The following MRPL43 variants were observed in gnomAD, a reference collection of about 807,000 sequenced individuals.
MRPL43 encodes large ribosomal subunit protein mL43.
MRPL43 carries 9 observed loss-of-function variants against 12.7 expected under a neutral mutation model. The observed-to-expected ratio is 0.71, with a 90% confidence interval of 0.43 to 1.24. The LOEUF is 1.24. Among genes scored for constraint, MRPL43 ranks in the 50% most tolerant of loss-of-function variants. The pLI is 0.00. For missense variants in MRPL43, 211 were observed against 229.2 expected (o/e 0.92, Z 0.51); for synonymous variants, 116 against 96.4 (o/e 1.20, Z -1.19).
downstream of MRPL43, chr10:100,981,051 C>T: frequency 6.3e-7 from 1 of 1,596,392 alleles, no homozygotes; most frequent in Non-Finnish European, 8.5e-7. Flanking sequence ...AGGAGGAAGG[C>T]CTGATAGCTA....
chr10:100,986,022 T>C (rs1393598207), downstream of MRPL43, among the ~76,000 whole-genome samples: 1 of 152,062 alleles, frequency 6.6e-6, no homozygotes, highest in Non-Finnish European at 1.5e-5. Flanking sequence ...TCAAGGGACA[T>C]GGATTTTATT....
chr10:100,977,926 T>C (rs986151922), downstream of MRPL43: 3 of 593,970 alleles, frequency 5.1e-6, no homozygotes, highest in African/African-American at 1.9e-5. Context: ...GCAGTTTTTA[T>C]AGCATTTTCA....
At chr10:100,980,203 C>T (rs979985262), downstream of MRPL43, 2 of 1,614,126 alleles carry the variant, frequency 1.2e-6, no homozygotes, top group Middle Eastern at 1.6e-4. Context: ...TGTAAAGTTG[C>T]ACCCACTGAT....
At chr10:100,979,945 C>G (rs199762950), downstream of MRPL43, 1 of 1,613,908 alleles carries the variant, frequency 6.2e-7, no homozygotes, top group Non-Finnish European at 8.5e-7. Flanking sequence ...TGGTTCCCGG[C>G]GCTGGGGTCG....
chr10:100,981,163 C>T (rs1427067106), downstream of MRPL43: 46 of 1,614,054 alleles, frequency 2.8e-5, no homozygotes, highest in Non-Finnish European at 3.8e-5. Context: ...GATCTTCTGT[C>T]CCAGGACAGC....
At chr10:100,983,749 A>G (rs1327673019), downstream of MRPL43, 2 of 1,612,730 alleles carry the variant, frequency 1.2e-6, no homozygotes, top group Admixed American at 1.7e-5. Context: ...CGACGGAAAT[A>G]CTCACTGGGT....
In MRPL43 at chr10:100,986,366, C is replaced by T. The variant is rs758962991; in HGVS notation, c.*368G>A. On this transcript the variant is annotated 3_prime_UTR_variant, in exon 3 of 3. Transcript: ENST00000318364. ...CCCATCACAGCAGAGCTCTCCGTAGCTCAGTGGTTGTTCCAATAAGACATC... is the reference window on the plus strand; with the variant it reads ...CCCATCACAGCAGAGCTCTCCGTAGTTCAGTGGTTGTTCCAATAAGACATC... 425 of 1,455,766 alleles carry T rather than the reference C, an allele frequency of 2.9e-4. No homozygotes were observed. The highest frequency in any genetic ancestry group is 3.6e-4 in the Non-Finnish European group (399 of 1,109,144). 90.2% of individuals were successfully genotyped at this position (1,455,766 alleles called of 1,614,324 possible). A position where few individuals can be genotyped will look rare whatever the true frequency, so the allele number is the denominator to read the frequency against.
downstream of MRPL43, chr10:100,985,417 C>T (rs1193217573): frequency 6.5e-6 from 1 of 153,078 alleles, no homozygotes; most frequent in African/African-American, 2.4e-5. Context: ...AACGTGGAAT[C>T]CCACGGGTTT....
downstream of MRPL43, chr10:100,985,026 T>C (rs541757083): frequency 3.9e-5 from 40 of 1,032,002 alleles, no homozygotes; most frequent in African/African-American, 5.7e-4. Flanking sequence ...CTGTTGGGTT[T>C]AGTCCGTGGA....
chr10:100,980,988 AGGGAAGCAGGT>A (rs1205193917), downstream of MRPL43: 6 of 1,597,074 alleles, frequency 3.8e-6, no homozygotes, highest in Non-Finnish European at 5.1e-6. Flanking sequence ...AACAGGTCCC[AGGGAAGCAGGT>A]GGGAAGTGGT....
At chr10:100,985,020 T>C, downstream of MRPL43, 2 of 1,102,502 alleles carry the variant, frequency 1.8e-6, no homozygotes, top group Non-Finnish European at 2.5e-6. Flanking sequence ...ACCTGTCTGT[T>C]GGGTTTAGTC....
chr10:100,985,779 T>G (rs1462102718), downstream of MRPL43: 2 of 152,292 alleles, frequency 1.3e-5, no homozygotes, highest in Non-Finnish European at 2.9e-5. Flanking sequence ...TCCTGACTCC[T>G]TGGCAGGCAC....
downstream of MRPL43, chr10:100,985,901 T>C (rs944655184): frequency 1.3e-5 from 2 of 152,456 alleles, no homozygotes; most frequent in East Asian, 3.8e-4. Context: ...TTTCATTTCC[T>C]GCCTCTCATT....
At chr10:100,985,686 A>G (rs1026013116), downstream of MRPL43, 13 of 152,612 alleles carry the variant, frequency 8.5e-5, no homozygotes, top group African/African-American at 3.1e-4. Flanking sequence ...CTGAGCCTAT[A>G]CAGAAGGTGA....
rs1454184025 is a variant in MRPL43 at position 100,987,469 on chromosome 10, C to G, written c.-26G>C. 5 of 1,609,046 alleles carry G rather than the reference C, an allele frequency of 3.1e-6. No individual in the cohort carries two copies. In the African/African-American group the frequency reaches 4.0e-5, roughly 13 times the overall value. The stretch of plus-strand genomic sequence containing the variant: ...AGCTACAGCTTGGAGGCCGCGGAGC[C>G]TAAGCAGCGAGGAGAGGGGGGCGGG... On this transcript the variant is annotated 5_prime_UTR_variant, in exon 1 of 3. Coordinates refer to ENST00000318364, the MANE Select transcript of MRPL43 (RefSeq NM_032112.3).
downstream of MRPL43, chr10:100,983,865 G>A (rs1851271928): frequency 1.3e-6 from 2 of 1,573,988 alleles, no homozygotes; most frequent in Non-Finnish European, 1.7e-6. Flanking sequence ...GGGCCTGGAG[G>A]GCAGCTGTCT....
chr10:100,981,282 AT>A, downstream of MRPL43: 1 of 1,602,548 alleles, frequency 6.2e-7, no homozygotes, highest in African/African-American at 1.3e-5. Context: ...CCTCTTTGCC[AT>A]TTACTGCCAT....
chr10:100,978,240 G>A (rs905486641), downstream of MRPL43: 2 of 1,363,246 alleles, frequency 1.5e-6, no homozygotes, highest in Non-Finnish European at 2.1e-6. Flanking sequence ...CTGACTTTGA[G>A]CCACTGTCCC....
downstream of MRPL43, chr10:100,984,831 C>T (rs1285150909): frequency 2.0e-6 from 3 of 1,521,008 alleles, no homozygotes. Flanking sequence ...CCCTCCTCTC[C>T]CTTCCTGTGT....
Sources: gnomAD v4.1 joint callset for allele counts (sites outside exome capture counted in the v4.1 genomes callset) on GRCh38, gnomAD v4.1.1 for gene constraint, MANE v1.5 for transcripts, NCBI Gene and HGNC (gene_info 2026-07-23, HGNC 2026-07-21) for gene names.